DMTF1: variants seen among roughly 807,000 people sequenced by gnomAD.
DMTF1 encodes the protein cyclin-D-binding Myb-like transcription factor 1.
A neutral mutation model predicts 91.1 loss-of-function variants in DMTF1; 39 were observed. The observed-to-expected ratio is 0.43, with a 90% CI of 0.33 to 0.56. The LOEUF is 0.56. Among genes scored for constraint, DMTF1 ranks in the 20% least tolerant of loss-of-function variants. DMTF1 has a pLI of 0.05. For missense variants in DMTF1, 750 were observed against 914.5 expected (o/e 0.82, Z 2.32); for synonymous variants, 338 against 309.5 (o/e 1.09, Z -0.97).
At chr7:87,174,992 T>C (rs999646685) in intron 7 of DMTF1, among the ~76,000 whole-genome samples, 1 of 151,968 alleles carries the variant, frequency 6.6e-6, no homozygotes, top group Non-Finnish European at 1.5e-5. Context: ...AAGCTTAAGG[T>C]ATGCATCTTT....
At chr7:87,193,098 A>AT (rs1027182730) in intron 14 of DMTF1, 100 bp from the exon 15 acceptor site, 1 of 1,280,972 alleles carries the variant, frequency 7.8e-7, no homozygotes, top group Admixed American at 1.9e-5. Flanking sequence ...CACCTTCACA[A>AT]TGGGTAAGTA....
Position 87,191,001 on chromosome 7 carries a change from A to G in DMTF1, c.1468A>G (p.Thr490Ala). 2 of 1,607,874 alleles carry G rather than the reference A, an allele frequency of 1.2e-6. No individual in the cohort carries two copies. The highest frequency in any genetic ancestry group is 1.7e-6 in the Non-Finnish European group (2 of 1,176,300). ...DSETITLNSG[T>A]LQTFEILPSF... ...AGAAACAATAACACTAAACAGTGGA[A>G]CACTACAGACATTTGAGATTCTTCC... Residue 490 changes from threonine (T) to alanine (A), a missense_variant, in exon 14 of 18, where the codon ACA becomes GCA. By Grantham distance (58) the Thr-to-Ala change is moderately conservative. Coordinates refer to ENST00000331242, the MANE Select transcript of DMTF1 (RefSeq NM_001142327.2).
intron 7 of DMTF1, among the ~76,000 whole-genome samples, chr7:87,177,971 T>G (rs1216451870): frequency 6.6e-6 from 1 of 152,178 alleles, no homozygotes; most frequent in Non-Finnish European, 1.5e-5. Flanking sequence ...TTCTTGGCCC[T>G]TTGCTCTTTT....
At chr7:87,156,432 A>G (rs1790742564) in intron 1 of DMTF1, among the ~76,000 whole-genome samples, 3 of 152,182 alleles carry the variant, frequency 2.0e-5, no homozygotes, top group Admixed American at 2.0e-4. Flanking sequence ...AAACCAAGCC[A>G]TAGTAAACAT....
chr7:87,164,485 T>C (rs996172599), intron 2 of DMTF1, among the ~76,000 whole-genome samples: 13 of 152,208 alleles, frequency 8.5e-5, no homozygotes, highest in Non-Finnish European at 1.6e-4. Context: ...GTTTTTCAGA[T>C]AATAGAGCTT....
intron 1 of DMTF1, among the ~76,000 whole-genome samples, chr7:87,160,886 A>G (rs1474990311): frequency 6.6e-6 from 1 of 152,160 alleles, no homozygotes; most frequent in East Asian, 1.9e-4. Flanking sequence ...TAGAACTGTA[A>G]TCTAGGCTGT....
intron 8 of DMTF1, among the ~76,000 whole-genome samples, chr7:87,179,951 TAGTAA>T (rs1306410767): frequency 1.2e-4 from 19 of 152,330 alleles, no homozygotes; most frequent in Admixed American, 1.0e-3. Context: ...GTCTGCTTTG[TAGTAA>T]AGTAACATAA....
intron 3 of DMTF1, 36 bp from the exon 4 acceptor site, chr7:87,166,445 TGG>T (rs1244692957): frequency 5.2e-5 from 82 of 1,582,920 alleles, no homozygotes; most frequent in Admixed American, 7.6e-5. Flanking sequence ...TTTCCCTCTT[TGG>T]TTTGAAATTT....
intron 6 of DMTF1, 34 bp from the exon 7 acceptor site, chr7:87,174,559 C>T: frequency 7.1e-7 from 1 of 1,410,288 alleles, no homozygotes. Flanking sequence ...CAAGGAGTAA[C>T]ATTTTTTATA....
intron 7 of DMTF1, among the ~76,000 whole-genome samples, chr7:87,177,187 A>T (rs56397073): frequency 0.037 from 5,607 of 152,192 alleles, 126 homozygotes; most frequent in East Asian, 0.064. Flanking sequence ...CATTCTCTGG[A>T]TATTCTGTAA....
intron 15 of DMTF1, 21 bp from the exon 16 acceptor site, chr7:87,193,704 A>G (rs747553696): frequency 3.2e-6 from 5 of 1,562,142 alleles, no homozygotes; most frequent in African/African-American, 2.7e-5. Flanking sequence ...CAACTTTAAC[A>G]GGTTCTTTAA....
chr7:87,160,103 C>T (rs1479035569), intron 1 of DMTF1, among the ~76,000 whole-genome samples: 3 of 152,112 alleles, frequency 2.0e-5, no homozygotes, highest in Non-Finnish European at 4.4e-5. Context: ...AATTACTAAA[C>T]TTTCTACTCT....
chr7:87,169,324 T>C (rs1794573501), intron 4 of DMTF1, among the ~76,000 whole-genome samples: 1 of 152,054 alleles, frequency 6.6e-6, no homozygotes, highest in African/African-American at 2.4e-5. Flanking sequence ...CTGGGTGTGG[T>C]GGTGCACGCC....
In DMTF1 at chr7:87,166,438, C is replaced by T. The variant is rs144797174; in HGVS notation, c.110-45C>T. The T allele has an allele frequency of 7.0e-3, 11,000 of 1,573,158 alleles. 47 individuals carry two copies. Among genetic ancestry groups the T allele is most frequent in the Middle Eastern group, 0.014 (82 of 5,860 alleles). ...GAGCCATTGTTAGAGATTTTATTTT[C>T]CCTCTTTGGTTTGAAATTTTTGTTT... is the stretch of plus-strand genomic sequence containing the variant. On this transcript the variant is annotated intron_variant, in intron 3 of 17. Transcript: ENST00000331242.
intron 2 of DMTF1, among the ~76,000 whole-genome samples, chr7:87,164,090 A>G (rs1418447295): frequency 2.0e-5 from 3 of 148,384 alleles, no homozygotes; most frequent in African/African-American, 7.4e-5. Flanking sequence ...CTTAATAAAC[A>G]TTGAGTAATT....
chr7:87,164,027 C>G (rs1193631090), intron 2 of DMTF1, among the ~76,000 whole-genome samples: 1 of 128,970 alleles, frequency 7.8e-6, no homozygotes. Context: ...TGCACTCCAG[C>G]CTGGGCAACA....
intron 11 of DMTF1, among the ~76,000 whole-genome samples, chr7:87,185,325 T>C (rs1798174090): frequency 6.6e-6 from 1 of 152,230 alleles, no homozygotes; most frequent in East Asian, 1.9e-4. Context: ...CCTCAAATTT[T>C]GTTGTACTGT....
chr7:87,190,968 G>A lies in DMTF1; in HGVS notation c.1435G>A (p.Val479Ile), dbSNP rs1558049. ...AGCTTCAGCAGACTCTCCTGCTACCGTTGACTCAGAAACAATAACACTAAA... is the reference window on the plus strand; with the variant it reads ...AGCTTCAGCAGACTCTCCTGCTACCATTGACTCAGAAACAATAACACTAAA... Reference protein sequence around the residue: ...HVSSADSPATVDSETITLNSG... With the variant: ...HVSSADSPATIDSETITLNSG... The change falls in exon 14 of 18, where the codon GTT (valine) becomes ATT (isoleucine). Residue 479 changes from valine to isoleucine, a missense_variant. By Grantham distance (29) the Val-to-Ile change is conservative. Around this residue, in one of 3 missense-constraint regions of DMTF1, gnomAD observed 410 missense variants for 420.2 expected, o/e 0.98. Coordinates refer to ENST00000331242, the MANE Select transcript of DMTF1 (RefSeq NM_001142327.2). 6.2e-5 allele frequency: 100 copies of A among 1,609,882 alleles called. No individual in the cohort carries two copies. In the South Asian group the frequency reaches 9.4e-4, roughly 15 times the overall value.
At chr7:87,154,231 G>T (rs1394017737) in intron 1 of DMTF1, 1 of 152,142 alleles carries the variant, frequency 6.6e-6, no homozygotes. Context: ...CATACAGAAA[G>T]CACAAAAACC....
Sources: allele counts gnomAD v4.1 joint callset (sites outside exome capture counted in the v4.1 genomes callset), GRCh38; gene constraint gnomAD v4.1.1; regional missense constraint gnomAD v4.1.1; transcripts MANE v1.5; gene names NCBI Gene and HGNC (gene_info 2026-07-23, HGNC 2026-07-21).